The following PTBP3 variants were observed in gnomAD, a reference collection of about 807,000 sequenced individuals.
PTBP3 encodes polypyrimidine tract-binding protein 3.
A neutral mutation model predicts 58.7 loss-of-function variants in PTBP3; 20 were observed. That is an observed-to-expected ratio of 0.34 (90% CI 0.24 to 0.50). The LOEUF (loss-of-function observed/expected upper bound fraction) is 0.50. Among genes scored for constraint, PTBP3 ranks in the 20% least tolerant of loss-of-function variants. The pLI, the probability that PTBP3 is intolerant of heterozygous loss-of-function variation, is 0.98. For missense variants in PTBP3, 509 were observed against 637.2 expected (o/e 0.80, Z 2.17); for synonymous variants, 185 against 219.8 (o/e 0.84, Z 1.40).
the PTBP3 span, among the ~76,000 whole-genome samples, chr9:112,366,018 C>G: frequency 1.3e-5 from 2 of 152,134 alleles, no homozygotes; most frequent in African/African-American, 4.8e-5. Flanking sequence ...TGGCTGGGCA[C>G]AGTGGCCTGT....
chr9:112,243,145 A>AAC (rs1554790017), intron 7 of PTBP3, among the ~76,000 whole-genome samples: 4 of 151,730 alleles, frequency 2.6e-5, no homozygotes, highest in Non-Finnish European at 2.9e-5. Context: ...AAAAAAAAAA[A>AAC]AACAGTTTTC....
chr9:112,304,036 G>A (rs1829062427), intron 1 of PTBP3, among the ~76,000 whole-genome samples: 1 of 151,602 alleles, frequency 6.6e-6, no homozygotes, highest in South Asian at 2.1e-4. Flanking sequence ...GTATGGTGGT[G>A]CATGCCTGTA....
At chr9:112,247,704 G>A (rs73537716) in intron 7 of PTBP3, among the ~76,000 whole-genome samples, 6,446 of 152,190 alleles carry the variant, frequency 0.042, 245 homozygotes, top group African/African-American at 0.086. Context: ...GACAGAGAAA[G>A]ACTATCTCAA....
At chr9:112,254,741 A>G (rs1564408625) in intron 5 of PTBP3, among the ~76,000 whole-genome samples, 1 of 152,250 alleles carries the variant, frequency 6.6e-6, no homozygotes, top group African/African-American at 2.4e-5. Flanking sequence ...GAGGATATGA[A>G]GAAAATGCAA....
At chr9:112,224,625 ATG>A (rs2131941838) in intron 12 of PTBP3, among the ~76,000 whole-genome samples, 1 of 152,208 alleles carries the variant, frequency 6.6e-6, no homozygotes, top group African/African-American at 2.4e-5. Flanking sequence ...GTAATTCTGA[ATG>A]TGTGTATGTG....
the PTBP3 span, among the ~76,000 whole-genome samples, chr9:112,367,149 T>C: frequency 6.6e-6 from 1 of 152,338 alleles, no homozygotes; most frequent in Admixed American, 6.5e-5. Flanking sequence ...TTTTATGTTA[T>C]TGATGTTACA....
At chr9:112,315,741 A>T (rs184794297) in intron 1 of PTBP3, among the ~76,000 whole-genome samples, 1 of 152,362 alleles carries the variant, frequency 6.6e-6, no homozygotes, top group East Asian at 1.9e-4. Context: ...TCTATCAAAG[A>T]GTTTTAAAAG....
chr9:112,289,167 G>A (rs1828268950), intron 2 of PTBP3, among the ~76,000 whole-genome samples: 1 of 152,042 alleles, frequency 6.6e-6, no homozygotes, highest in African/African-American at 2.4e-5. Flanking sequence ...ATAAGGAGGG[G>A]GTATGTTCTT....
the PTBP3 span, among the ~76,000 whole-genome samples, chr9:112,369,513 T>C: frequency 6.6e-6 from 1 of 152,222 alleles, no homozygotes; most frequent in African/African-American, 2.4e-5. Context: ...CTTTAGCTCC[T>C]TGATTTTGAC....
chr9:112,368,053 G>A, the PTBP3 span, among the ~76,000 whole-genome samples: 4 of 152,242 alleles, frequency 2.6e-5, no homozygotes, highest in African/African-American at 9.6e-5. Context: ...GGAGTGCAGT[G>A]GCACAATCTT....
chr9:112,342,149 A>G, the PTBP3 span, among the ~76,000 whole-genome samples: 1 of 152,168 alleles, frequency 6.6e-6, no homozygotes, highest in Non-Finnish European at 1.5e-5. Context: ...GCCCTTAGAC[A>G]TAAGAACTCC....
chr9:112,338,413 T>C (rs1290223059), upstream of PTBP3, among the ~76,000 whole-genome samples: 3 of 152,192 alleles, frequency 2.0e-5, no homozygotes, highest in Non-Finnish European at 4.4e-5. Context: ...ATGTTACTAT[T>C]GGGGGAAACT....
At chr9:112,351,586 G>A in the PTBP3 span, among the ~76,000 whole-genome samples, 11 of 152,218 alleles carry the variant, frequency 7.2e-5, no homozygotes, top group African/African-American at 2.7e-4. Flanking sequence ...CCTTGAGTAA[G>A]CAGTGTTTAC....
At chr9:112,333,345 C>A in intron 1 of PTBP3, 125 bp downstream of exon 1, 3 of 1,180,040 alleles carry the variant, frequency 2.5e-6, no homozygotes, top group Non-Finnish European at 2.2e-6. Context: ...TCGGGCTTGG[C>A]CGGGGCCGCT....
Position 112,220,339 on chromosome 9 carries a change from GGA to G in PTBP3, c.*3510_*3511del. On this transcript the variant is annotated 3_prime_UTR_variant, in exon 14 of 14. Coordinates refer to ENST00000374257, the MANE Select transcript of PTBP3 (RefSeq NM_001163788.4). ...CCAGCACTGTGGGGAGGTGGAAGCAGGAGAATCACTTGAGCCCAGGAGTTGGC... is the reference window on the plus strand; with the variant it reads ...CCAGCACTGTGGGGAGGTGGAAGCAGGAATCACTTGAGCCCAGGAGTTGGC... 1 of 1,290,260 alleles carries G rather than the reference GGA, an allele frequency of 7.8e-7. No homozygotes were observed. The highest frequency in any genetic ancestry group is 1.2e-5 in the South Asian group (1 of 80,872). 79.9% of individuals were successfully genotyped at this position (1,290,260 alleles called of 1,614,324 possible).
At chr9:112,257,601 G>A (rs1836424377) in intron 5 of PTBP3, among the ~76,000 whole-genome samples, 1 of 152,112 alleles carries the variant, frequency 6.6e-6, no homozygotes, top group South Asian at 2.1e-4. Context: ...TATAAAGGTA[G>A]AATTTGTCAG....
chr9:112,314,144 C>T (rs1287425696), intron 1 of PTBP3, among the ~76,000 whole-genome samples: 1 of 152,110 alleles, frequency 6.6e-6, no homozygotes, highest in East Asian at 1.9e-4. Context: ...GCCTCTGCAT[C>T]CACAAATTTT....
the PTBP3 span, among the ~76,000 whole-genome samples, chr9:112,358,098 G>C: frequency 6.6e-6 from 1 of 152,020 alleles, no homozygotes. Flanking sequence ...ATCTGAGGTC[G>C]GGAGTTCAAG....
chr9:112,355,581 C>T, the PTBP3 span, among the ~76,000 whole-genome samples: 2 of 150,900 alleles, frequency 1.3e-5, no homozygotes, highest in Non-Finnish European at 3.0e-5. Flanking sequence ...ATATGGCTTT[C>T]ATCATTCTTA....
Sources: allele counts gnomAD v4.1 joint callset (sites outside exome capture counted in the v4.1 genomes callset), GRCh38; gene constraint gnomAD v4.1.1; transcripts MANE v1.5; gene names NCBI Gene and HGNC (gene_info 2026-07-23, HGNC 2026-07-21).